SLC36A1: variants seen among roughly 807,000 people sequenced by gnomAD.
SLC36A1 encodes proton-coupled amino acid transporter 1.
Under a neutral mutation model 47.5 loss-of-function variants are expected in SLC36A1, and 30 were observed. The ratio of observed to expected loss-of-function variants is 0.63; its 90% CI spans 0.47 to 0.86. The LOEUF is 0.86. Ranked by LOEUF, SLC36A1 falls within the 40% of genes least tolerant of loss-of-function variation. The probability of loss-of-function intolerance (pLI) is 0.00; values close to 1 mark genes in which losing one functional copy is unlikely to be tolerated. For synonymous variants in SLC36A1, 255 were observed against 249.7 expected, an observed-to-expected ratio of 1.02 and a Z score of -0.20; for missense variants, 517 against 606.0, an observed-to-expected ratio of 0.85 and a Z score of 1.54.
chr5:151,531,221 C>T, the SLC36A1 span, among the ~76,000 whole-genome samples: 1 of 152,134 alleles, frequency 6.6e-6, no homozygotes, highest in African/African-American at 2.4e-5. The surrounding 1 kb of genome is among the most constrained non-coding windows in gnomAD (Gnocchi z 5.7). Flanking sequence ...TGCTTAAGCC[C>T]CAGATTCCAG....
At chr5:151,436,086 A>G (rs371567564), upstream of SLC36A1, among the ~76,000 whole-genome samples, 98 of 149,260 alleles carry the variant, frequency 6.6e-4, no homozygotes, top group Middle Eastern at 0.01. Flanking sequence ...TCATATATGA[A>G]CATCCCTCTA....
chr5:151,427,170 A>G, the SLC36A1 span, among the ~76,000 whole-genome samples: 1 of 152,096 alleles, frequency 6.6e-6, no homozygotes, highest in African/African-American at 2.4e-5. Flanking sequence ...CCAGCCCCCT[A>G]TATGTGGTTG....
At chr5:151,537,377 A>G in the SLC36A1 span, among the ~76,000 whole-genome samples, 1 of 149,512 alleles carries the variant, frequency 6.7e-6, no homozygotes, top group Non-Finnish European at 1.5e-5. Context: ...GAAAGAAACA[A>G]CGAACAACGA....
the SLC36A1 span, among the ~76,000 whole-genome samples, chr5:151,350,190 CCTT>C: frequency 1.7e-4 from 26 of 151,978 alleles, no homozygotes; most frequent in East Asian, 4.4e-3. Context: ...GAATGTGACT[CCTT>C]CTACCCCCAT....
At chr5:151,506,015 C>G in the SLC36A1 span, 1 of 1,575,476 alleles carries the variant, frequency 6.3e-7, no homozygotes, top group Non-Finnish European at 8.6e-7. Context: ...GCAGAGGGCC[C>G]TGAGTCACTT....
chr5:151,525,683 C>T, the SLC36A1 span: 2 of 1,481,890 alleles, frequency 1.3e-6, no homozygotes, highest in African/African-American at 1.4e-5. Flanking sequence ...ACATTTTTTC[C>T]CTAATGACAG....
rs115254629 is a variant in SLC36A1 at position 151,476,715 on chromosome 5, T to C, written c.948T>C (p.Ala316=). 2 of 1,613,146 alleles carry C rather than the reference T, an allele frequency of 1.2e-6. No homozygotes were observed. The highest frequency in any genetic ancestry group is 2.7e-5 in the African/African-American group (2 of 75,016). The part of the protein sequence containing the change: ...LGCLGYLQFG[A]NIQGSITLNL... ...GTCTGGGGTACCTGCAATTTGGAGC[T>C]AATATCCAAGGCAGCATAACCCTCA... Residue 316 remains alanine (A), a synonymous_variant, in exon 9 of 11, where the codon GCT becomes GCC. Transcript: ENST00000243389.
downstream of SLC36A1, among the ~76,000 whole-genome samples, chr5:151,496,032 G>T (rs1469924662): frequency 6.6e-6 from 1 of 152,152 alleles, no homozygotes; most frequent in Non-Finnish European, 1.5e-5. Context: ...ATGCCCAGGA[G>T]CACAATTGCT....
upstream of SLC36A1, among the ~76,000 whole-genome samples, chr5:151,447,188 G>A (rs1752978011): frequency 1.3e-5 from 2 of 152,302 alleles, no homozygotes; most frequent in East Asian, 1.9e-4. Context: ...AGATAATGTT[G>A]CCCTACCCCA....
the SLC36A1 span, among the ~76,000 whole-genome samples, chr5:151,427,754 A>G: frequency 5.6e-3 from 846 of 152,250 alleles, 7 homozygotes; most frequent in African/African-American, 0.019. Context: ...CCCTAATCAC[A>G]GCACTCAGAT....
At chr5:151,379,359 GT>G in the SLC36A1 span, among the ~76,000 whole-genome samples, 1 of 152,222 alleles carries the variant, frequency 6.6e-6, no homozygotes, top group African/African-American at 2.4e-5. Context: ...TTGAGACAGA[GT>G]TTTGCTCTTG....
the SLC36A1 span, among the ~76,000 whole-genome samples, chr5:151,379,017 G>A: frequency 6.6e-6 from 1 of 152,236 alleles, no homozygotes; most frequent in East Asian, 1.9e-4. Context: ...TCAAAATTGG[G>A]TCAGAGTTGG....
chr5:151,503,741 C>T, the SLC36A1 span, among the ~76,000 whole-genome samples: 1 of 152,154 alleles, frequency 6.6e-6, no homozygotes, highest in Non-Finnish European at 1.5e-5. Flanking sequence ...GCAAAGAGTG[C>T]TGGCAAGGGC....
chr5:151,443,402 G>A (rs902145384), upstream of SLC36A1, among the ~76,000 whole-genome samples: 1 of 152,080 alleles, frequency 6.6e-6, no homozygotes, highest in East Asian at 1.9e-4. Context: ...ATTTTGGTTT[G>A]CATCTCCCTG....
At chr5:151,470,980 A>G (rs1757237990) in intron 7 of SLC36A1, 2 of 152,126 alleles carry the variant, frequency 1.3e-5, no homozygotes, top group South Asian at 2.1e-4. Context: ...TCTGAGATGT[A>G]TTTTTTCATA....
At chr5:151,433,256 ATATATATATATTTTTTTTTTTTTTTTTT>A (rs1400066552), upstream of SLC36A1, among the ~76,000 whole-genome samples, 9 of 15,696 alleles carry the variant, frequency 5.7e-4, no homozygotes, top group African/African-American at 2.2e-3. Context: ...ATATATATAT[ATATATATATATTTTTTTTTTTTTTTTTT>A]TTTTTTTTTT....
chr5:151,547,015 T>C, the SLC36A1 span, among the ~76,000 whole-genome samples: 1 of 152,242 alleles, frequency 6.6e-6, no homozygotes, highest in Non-Finnish European at 1.5e-5. Flanking sequence ...ATTTTTTCAA[T>C]ATCCATCCAT....
the SLC36A1 span, among the ~76,000 whole-genome samples, chr5:151,404,170 C>T: frequency 2.0e-5 from 3 of 152,140 alleles, no homozygotes; most frequent in South Asian, 4.1e-4. Context: ...ATGTAATTCT[C>T]TTCTTTGCCC....
the SLC36A1 span, among the ~76,000 whole-genome samples, chr5:151,425,706 G>T: frequency 6.6e-6 from 1 of 152,030 alleles, no homozygotes; most frequent in Non-Finnish European, 1.5e-5. Flanking sequence ...ATCTAGAAAC[G>T]AAATTCACAG....
Sources: allele counts gnomAD v4.1 joint callset (sites outside exome capture counted in the v4.1 genomes callset), GRCh38; gene constraint gnomAD v4.1.1; non-coding constraint Gnocchi (gnomAD v3.1); transcripts MANE v1.5; gene names NCBI Gene and HGNC (gene_info 2026-07-23, HGNC 2026-07-21).